Variants in BLTP3B observed in about 807,000 individuals in gnomAD.
BLTP3B encodes UHRF1 (ICBP90) binding protein 1-like.
the BLTP3B span, among the ~76,000 whole-genome samples, chr12:100,048,786 G>A: frequency 4.3e-4 from 65 of 150,678 alleles, no homozygotes; most frequent in South Asian, 3.0e-3. Context: ...GTGTGTGTGT[G>A]TGTGTGTGTG....
At chr12:100,088,827 A>C in the BLTP3B span, 1 of 1,063,168 alleles carries the variant, frequency 9.4e-7, no homozygotes, top group Non-Finnish European at 1.3e-6. Flanking sequence ...CTTACAGGAC[A>C]TCCTACACAA....
At chr12:100,105,399 C>G in the BLTP3B span, among the ~76,000 whole-genome samples, 6 of 151,824 alleles carry the variant, frequency 4.0e-5, no homozygotes, top group African/African-American at 1.4e-4. Context: ...TACTAACAAT[C>G]AACTGATCTT....
the BLTP3B span, among the ~76,000 whole-genome samples, chr12:100,040,484 C>A: frequency 3.3e-5 from 5 of 152,196 alleles, no homozygotes; most frequent in African/African-American, 1.2e-4. Context: ...GAGTTTGAGA[C>A]CAGCCTGGCC....
At chr12:100,121,690 G>A in the BLTP3B span, among the ~76,000 whole-genome samples, 168 of 152,200 alleles carry the variant, frequency 1.1e-3, 1 homozygote, top group Admixed American at 2.7e-3. Context: ...ATTAGCGGGC[G>A]TGGTGGCGCC....
At chr12:100,098,135 T>A in the BLTP3B span, among the ~76,000 whole-genome samples, 1 of 152,102 alleles carries the variant, frequency 6.6e-6, no homozygotes, top group Non-Finnish European at 1.5e-5. Context: ...GAGGATCACC[T>A]GAGCCCAGGG....
the BLTP3B span, among the ~76,000 whole-genome samples, chr12:100,112,967 T>A: frequency 6.6e-6 from 1 of 151,744 alleles, no homozygotes; most frequent in East Asian, 1.9e-4. Flanking sequence ...GCCCAGGAGT[T>A]CAAGACTAGC....
At chr12:100,140,119 T>A in the BLTP3B span, among the ~76,000 whole-genome samples, 1 of 152,232 alleles carries the variant, frequency 6.6e-6, no homozygotes, top group Non-Finnish European at 1.5e-5. Flanking sequence ...CAAAAGTTCA[T>A]TCCTTCCTGA....
the BLTP3B span, chr12:100,095,824 T>C: frequency 6.2e-7 from 1 of 1,605,358 alleles, no homozygotes; most frequent in Non-Finnish European, 8.5e-7. Context: ...TGCTATGACA[T>C]TGCAGTCCTT....
At chr12:100,043,884 C>T in the BLTP3B span, among the ~76,000 whole-genome samples, 9 of 152,148 alleles carry the variant, frequency 5.9e-5, no homozygotes, top group Non-Finnish European at 1.2e-4. Context: ...TGGGGAGATT[C>T]CTCCTATTTT....
chr12:100,089,057 TGTC>T, the BLTP3B span: 1 of 1,609,472 alleles, frequency 6.2e-7, no homozygotes, highest in Admixed American at 1.7e-5. Flanking sequence ...AAGTTTGCGT[TGTC>T]TTCACTTGCT....
chr12:100,059,762 T>A, the BLTP3B span: 2 of 1,336,164 alleles, frequency 1.5e-6, no homozygotes, highest in African/African-American at 3.0e-5. Context: ...TAACATGAAT[T>A]AATAATCAAT....
At chr12:100,101,280 G>A in the BLTP3B span, among the ~76,000 whole-genome samples, 6 of 152,128 alleles carry the variant, frequency 3.9e-5, no homozygotes, top group African/African-American at 1.2e-4. Flanking sequence ...GAAGTGGAAC[G>A]AATCACCATT....
the BLTP3B span, chr12:100,057,570 C>T: frequency 6.2e-7 from 1 of 1,603,088 alleles, no homozygotes; most frequent in South Asian, 1.1e-5. Flanking sequence ...CATAACTTTA[C>T]CTTTTTCCAA....
chr12:100,061,429 G>A, the BLTP3B span, among the ~76,000 whole-genome samples: 1 of 152,078 alleles, frequency 6.6e-6, no homozygotes, highest in Admixed American at 6.6e-5. Context: ...AGGCCGAGGC[G>A]GGTGGATCAC....
chr12:100,059,262 T>C, the BLTP3B span: 7 of 1,613,986 alleles, frequency 4.3e-6, no homozygotes, highest in Non-Finnish European at 5.9e-6. Flanking sequence ...ATTTCCTTTA[T>C]AAATTTCATG....
the BLTP3B span, among the ~76,000 whole-genome samples, chr12:100,045,370 CA>C: frequency 2.0e-5 from 3 of 152,078 alleles, no homozygotes; most frequent in Non-Finnish European, 4.4e-5. Flanking sequence ...CTACAGTAAC[CA>C]AAACAGATAC....
the BLTP3B span, chr12:100,059,334 T>C: frequency 1.2e-6 from 2 of 1,613,994 alleles, no homozygotes; most frequent in African/African-American, 1.3e-5. Context: ...ATTAAAATTG[T>C]CACAAGATTT....
the BLTP3B span, chr12:100,048,295 TC>T: frequency 7.5e-7 from 1 of 1,337,680 alleles, no homozygotes. Flanking sequence ...TTTTACTATT[TC>T]CCCCTAGTTT....
the BLTP3B span, among the ~76,000 whole-genome samples, chr12:100,139,466 C>T: frequency 2.0e-5 from 3 of 152,186 alleles, no homozygotes; most frequent in Non-Finnish European, 4.4e-5. Context: ...CATACAATAA[C>T]TGGGTTATTT....
Sources: allele counts gnomAD v4.1 joint callset (sites outside exome capture counted in the v4.1 genomes callset), GRCh38; gene constraint gnomAD v4.1.1; transcripts MANE v1.5; gene names NCBI Gene and HGNC (gene_info 2026-07-23, HGNC 2026-07-21).